The following ABCA13 variants were observed in gnomAD, a reference collection of about 807,000 sequenced individuals.
ABCA13 encodes the protein ATP-binding cassette sub-family A member 13.
In ABCA13, 476 loss-of-function variants were observed where a neutral mutation model predicts 478.7. That is an observed-to-expected ratio of 0.99 (90% CI 0.92 to 1.07). The LOEUF is 1.07. ABCA13 is among the 50% of genes least tolerant of loss of function. The probability of loss-of-function intolerance (pLI) is 0.00; values close to 1 mark genes in which losing one functional copy is unlikely to be tolerated. For synonymous variants in ABCA13, 2,252 were observed against 2,158.9 expected, an observed-to-expected ratio of 1.04 and a Z score of -1.20; for missense variants, 6,060 against 5,910.6, an observed-to-expected ratio of 1.03 and a Z score of -0.83.
intron 3 of ABCA13, among the ~76,000 whole-genome samples, chr7:48,218,302 G>A (rs1786797829): frequency 6.6e-6 from 1 of 152,150 alleles, no homozygotes; most frequent in Non-Finnish European, 1.5e-5. Context: ...GTCATTTTTA[G>A]CCTTTAATAT....
chr7:48,196,669 G>A (rs997483104), intron 2 of ABCA13, among the ~76,000 whole-genome samples: 33 of 152,050 alleles, frequency 2.2e-4, no homozygotes, highest in Admixed American at 1.8e-3. Flanking sequence ...CTTTAATCTT[G>A]GAGACAAAGT....
intron 42 of ABCA13, among the ~76,000 whole-genome samples, chr7:48,429,963 T>C (rs1821920122): frequency 6.6e-6 from 1 of 152,176 alleles, no homozygotes; most frequent in African/African-American, 2.4e-5. Flanking sequence ...TGGAGCATTT[T>C]TGTATCTTTA....
At chr7:48,174,181 A>T (rs372839590) in intron 1 of ABCA13, among the ~76,000 whole-genome samples, 44 of 152,362 alleles carry the variant, frequency 2.9e-4, no homozygotes, top group African/African-American at 9.9e-4. Context: ...GAACTGTGGA[A>T]TAACCAAACT....
rs1050389216 is a variant in ABCA13 at position 48,516,598 on chromosome 7, T to C, written c.13641-127T>C. On this transcript the variant is annotated intron_variant, in intron 51 of 61. Coordinates refer to ENST00000435803, the MANE Select transcript of ABCA13 (RefSeq NM_152701.5). ...TGTATGTATGGGGAAAAACATAGTA[T>C]ATGTAGGATTCAGTAATATCTGCAT... is the stretch of plus-strand genomic sequence containing the variant. 9.0e-6 allele frequency: 8 copies of C among 891,108 alleles called. No homozygotes were observed. The African/African-American group carries it at 1.3e-4, about 15-fold the overall frequency. 55.2% of individuals were successfully genotyped at this position (891,108 alleles called of 1,614,324 possible).
At chr7:48,355,961 C>G (rs1809837737) in intron 31 of ABCA13, among the ~76,000 whole-genome samples, 1 of 151,394 alleles carries the variant, frequency 6.6e-6, no homozygotes, top group African/African-American at 2.5e-5. Flanking sequence ...GCATTTAGAA[C>G]TCTAAGATAT....
chr7:48,404,363 A>G (rs1221671629), intron 39 of ABCA13: 1 of 183,960 alleles, frequency 5.4e-6, no homozygotes, highest in Non-Finnish European at 1.2e-5. Context: ...AATTTAGGAC[A>G]TTTGATGGGC....
intron 1 of ABCA13, among the ~76,000 whole-genome samples, chr7:48,181,304 G>A (rs1272044605): frequency 6.6e-6 from 1 of 151,996 alleles, no homozygotes; most frequent in Admixed American, 6.5e-5. Context: ...TGGTGATTAC[G>A]TGCATGACAA....
chr7:48,355,091 C>T (rs1405828132), intron 31 of ABCA13, among the ~76,000 whole-genome samples: 1 of 147,764 alleles, frequency 6.8e-6, no homozygotes, highest in East Asian at 1.9e-4. Context: ...GTGAGACTTC[C>T]AGTCCAGGGA....
At chr7:48,231,005 T>A (rs1788987544) in intron 7 of ABCA13, among the ~76,000 whole-genome samples, 1 of 151,886 alleles carries the variant, frequency 6.6e-6, no homozygotes, top group African/African-American at 2.4e-5. Context: ...GGTCCAGTCG[T>A]CGGGTCGGGG....
intron 31 of ABCA13, among the ~76,000 whole-genome samples, chr7:48,352,728 C>G (rs1809250887): frequency 2.0e-5 from 3 of 152,090 alleles, no homozygotes; most frequent in South Asian, 4.2e-4. Flanking sequence ...CAGGCATCAT[C>G]TATAGTTTTA....
chr7:48,363,450 G>A (rs1287581229), intron 31 of ABCA13, among the ~76,000 whole-genome samples: 2 of 152,052 alleles, frequency 1.3e-5, no homozygotes, highest in East Asian at 1.9e-4. Flanking sequence ...TTTCTATGAT[G>A]ACAAGACAAG....
chr7:48,619,742 C>T (rs1450050049), intron 59 of ABCA13, among the ~76,000 whole-genome samples: 1 of 152,154 alleles, frequency 6.6e-6, no homozygotes, highest in Non-Finnish European at 1.5e-5. Context: ...AGGAGGAAGA[C>T]ACATCCAGTT....
intron 44 of ABCA13, among the ~76,000 whole-genome samples, chr7:48,470,625 G>A (rs757481238): frequency 2.6e-5 from 4 of 152,120 alleles, no homozygotes; most frequent in Non-Finnish European, 4.4e-5. Flanking sequence ...CAAAAATTAC[G>A]TAGACATTGT....
chr7:48,239,340 C>G lies in ABCA13; in HGVS notation c.997C>G (p.Pro333Ala). Reference protein sequence around the residue: ...EKWGHVGGCHPKWSEAKNYLV... With the variant: ...EKWGHVGGCHAKWSEAKNYLV... ...ATGGGGCCACGTTGGAGGCTGCCAC[C>G]CTAAGTGGTCAGAAGCCAAAAACTA... Residue 333 changes from proline (P) to alanine (A), a missense_variant, in exon 9 of 62, where the codon CCT becomes GCT. Around this residue, in one of 3 missense-constraint regions of ABCA13, gnomAD observed 4,423 missense variants for 4,309.1 expected, o/e 1.03. Coordinates refer to ENST00000435803, the MANE Select transcript of ABCA13 (RefSeq NM_152701.5). 6.2e-7 allele frequency: 1 copy of G among 1,613,910 alleles called. No homozygotes were observed. The highest frequency in any genetic ancestry group is 8.5e-7 in the Non-Finnish European group (1 of 1,179,836).
chr7:48,359,081 C>T (rs769005524), intron 31 of ABCA13, among the ~76,000 whole-genome samples: 4 of 151,950 alleles, frequency 2.6e-5, no homozygotes, highest in Non-Finnish European at 5.9e-5. Flanking sequence ...GTGTCGGTCT[C>T]CTCAGCTCAT....
intron 41 of ABCA13, among the ~76,000 whole-genome samples, chr7:48,419,292 T>C (rs1820426090): frequency 6.6e-6 from 1 of 152,240 alleles, no homozygotes; most frequent in Non-Finnish European, 1.5e-5. Flanking sequence ...TTCTGTTTAG[T>C]AGTCACCTTT....
intron 23 of ABCA13, among the ~76,000 whole-genome samples, chr7:48,307,512 G>A (rs1041231663): frequency 6.6e-6 from 1 of 152,126 alleles, no homozygotes; most frequent in Non-Finnish European, 1.5e-5. Flanking sequence ...GTTGCTCTGG[G>A]TGAGTCAGTG....
chr7:48,274,816 C>A lies in ABCA13; in HGVS notation c.5150C>A (p.Ala1717Glu). The A allele has an allele frequency of 6.2e-7, 1 of 1,613,958 alleles. No individual in the cohort carries two copies. Among genetic ancestry groups the A allele is most frequent in the South Asian group, 1.1e-5 (1 of 91,090 alleles). The change falls in exon 17 of 62, where the codon GCA becomes GAA. Residue 1717 changes from alanine (A) to glutamate (E), a missense_variant. This residue lies in a region of ABCA13 where 4,423 missense variants were observed against 4,309.1 expected (regional missense o/e 1.03). Transcript: ENST00000435803. Reference sequence around the variant, plus strand: ...CTTGTTGGCTTGATGGAAAAATTTGCAGACAGCTCACATTCTTGGAATGTT... The same window carrying A: ...CTTGTTGGCTTGATGGAAAAATTTGAAGACAGCTCACATTCTTGGAATGTT... ...NLLVGLMEKF[A>E]DSSHSWNVNH... is the part of the protein sequence containing the mutation.
chr7:48,445,407 C>T (rs950518081), intron 42 of ABCA13, among the ~76,000 whole-genome samples: 4 of 152,142 alleles, frequency 2.6e-5, no homozygotes, highest in African/African-American at 9.7e-5. Context: ...CTCATGGACT[C>T]CTAAGATGAT....
Sources: gnomAD v4.1 joint callset for allele counts (sites outside exome capture counted in the v4.1 genomes callset) on GRCh38, gnomAD v4.1.1 for gene constraint, gnomAD v4.1.1 regional missense constraint, MANE v1.5 for transcripts, NCBI Gene and HGNC (gene_info 2026-07-23, HGNC 2026-07-21) for gene names.